Variants in SPPL2B observed in about 807,000 individuals in gnomAD.
SPPL2B encodes signal peptide peptidase like 2B.
A neutral mutation model predicts 59.7 loss-of-function variants in SPPL2B; 39 were observed. The ratio of observed to expected loss-of-function variants is 0.65; its 90% CI spans 0.51 to 0.85. The LOEUF is 0.85. Ranked by LOEUF, SPPL2B falls within the 40% of genes least tolerant of loss-of-function variation. The probability of loss-of-function intolerance (pLI) is 0.00; values close to 1 mark genes in which losing one functional copy is unlikely to be tolerated. For synonymous variants in SPPL2B, 419 were observed against 370.8 expected (o/e 1.13, Z -1.49); for missense variants, 865 against 849.0 (o/e 1.02, Z -0.23).
intron 13 of SPPL2B, among the ~76,000 whole-genome samples, chr19:2,346,524 G>A (rs888702880): frequency 2.0e-5 from 3 of 152,130 alleles, no homozygotes; most frequent in Non-Finnish European, 4.4e-5. Flanking sequence ...AAAATTAGCC[G>A]GGCATGGTGA....
chr19:2,349,060 T>C (rs1215406282), intron 13 of SPPL2B, among the ~76,000 whole-genome samples: 8 of 132,206 alleles, frequency 6.1e-5, no homozygotes, highest in Admixed American at 7.8e-5. Context: ...CTCATTCGCT[T>C]GATTCCGTTC....
rs769004951 is a variant in SPPL2B, at chr19:2,339,980, G to C, written c.742+14G>C. On this transcript the variant is annotated intron_variant, in intron 6 of 14. Coordinates refer to ENST00000613503, the MANE Select transcript of SPPL2B (RefSeq NM_152988.3). ...ACGATCTCCTCGGTGCGCGGCCCCGGGCGGGTGGGCCGCGGCGTGGAGATG... is the reference window on the plus strand; with the variant it reads ...ACGATCTCCTCGGTGCGCGGCCCCGCGCGGGTGGGCCGCGGCGTGGAGATG... The C allele has an allele frequency of 1.9e-6, 3 of 1,552,376 alleles. No individual in the cohort carries two copies. The highest frequency in any genetic ancestry group is 2.6e-6 in the Non-Finnish European group (3 of 1,147,286).
chr19:2,348,110 C>A (rs1034348197), intron 13 of SPPL2B, among the ~76,000 whole-genome samples: 1 of 100,506 alleles, frequency 9.9e-6, no homozygotes, highest in East Asian at 3.4e-4. Flanking sequence ...TCGCTTGATT[C>A]CGTTCTCTCT....
intron 13 of SPPL2B, among the ~76,000 whole-genome samples, chr19:2,348,866 C>T (rs1220772293): frequency 1.3e-3 from 191 of 146,596 alleles, no homozygotes; most frequent in Non-Finnish European, 2.3e-3. Flanking sequence ...CACGCGCTGT[C>T]ATTCGCTTGA....
intron 13 of SPPL2B, among the ~76,000 whole-genome samples, 164 bp from the exon 14 acceptor site, chr19:2,351,270 A>G (rs1403856557): frequency 1.3e-5 from 2 of 151,964 alleles, no homozygotes; most frequent in Admixed American, 1.3e-4. Context: ...GGATCCATGT[A>G]CTTTGGGGAG....
chr19:2,347,406 C>T (rs1170660360), intron 13 of SPPL2B, among the ~76,000 whole-genome samples: 2 of 47,246 alleles, frequency 4.2e-5, no homozygotes, highest in Admixed American at 2.5e-4. Context: ...TCCACACACG[C>T]GCTCTCATTC....
Position 2,340,947 on chromosome 19 carries a change from A to G in SPPL2B, c.889A>G (p.Met297Val), listed in dbSNP as rs764370623. ...PYFHKRPQAR[M>V]LLLALFCVAV... ...CTTCCACAAGCGCCCGCAGGCCCGT[A>G]TGCTGCTCCTGGCGCTCTTCTGCGT... The change falls in exon 8 of 15, where the codon ATG becomes GTG. Residue 297 changes from methionine (M) to valine (V), a missense_variant. Transcript: ENST00000613503. The G allele has an allele frequency of 1.2e-6, 2 of 1,603,874 alleles. No individual in the cohort carries two copies. Among genetic ancestry groups the G allele is most frequent in the Non-Finnish European group, 1.7e-6 (2 of 1,179,530 alleles).
chr19:2,350,746 T>A (rs996354374), intron 13 of SPPL2B, among the ~76,000 whole-genome samples: 1 of 152,246 alleles, frequency 6.6e-6, no homozygotes, highest in Non-Finnish European at 1.5e-5. Flanking sequence ...TATGGTGATT[T>A]ATGGTTTGGC....
chr19:2,352,891 G>A (rs1421297222), intron 14 of SPPL2B, 55 bp from the exon 15 acceptor site: 4 of 1,598,512 alleles, frequency 2.5e-6, no homozygotes, highest in African/African-American at 2.7e-5. Context: ...GCCCCTGCCA[G>A]GGTCCTCCTC....
Position 2,331,492 on chromosome 19 carries a change from C to T in SPPL2B, c.66+2717C>T, listed in dbSNP as rs184126075. On this transcript the variant is annotated intron_variant, in intron 1 of 14. Coordinates refer to ENST00000613503, the MANE Select transcript of SPPL2B (RefSeq NM_152988.3). ...TGTGGCCTTTGGAAGAATTGTTCCC[C>T]GTTCCTTTAACTCAGCAGGTGAGGA... Among the ~76,000 whole-genome samples, 32 of 152,226 alleles carry T rather than the reference C, an allele frequency of 2.1e-4. 1 individual carries two copies. Among genetic ancestry groups the T allele is most frequent in the African/African-American group, 7.5e-4 (31 of 41,536 alleles).
chr19:2,337,314 G>T (rs967532618), intron 2 of SPPL2B, 129 bp from the exon 3 acceptor site: 3 of 876,382 alleles, frequency 3.4e-6, no homozygotes, highest in Non-Finnish European at 3.4e-6. Flanking sequence ...TAGGTGGGCC[G>T]AGGCCGTGCG....
intron 8 of SPPL2B, 155 bp from the exon 9 acceptor site, chr19:2,343,056 A>G (rs1568442456): frequency 4.7e-6 from 3 of 636,032 alleles, no homozygotes; most frequent in Admixed American, 2.4e-5. Flanking sequence ...GTCCTCCCAC[A>G]GGTCTGGGGT....
At chr19:2,335,606 C>G (rs1968548918) in intron 2 of SPPL2B, among the ~76,000 whole-genome samples, 3 of 150,498 alleles carry the variant, frequency 2.0e-5, no homozygotes, top group East Asian at 3.9e-4. Context: ...CCCCTCTGTC[C>G]CTGCCTCCTT....
intron 1 of SPPL2B, 66 bp from the exon 2 acceptor site, chr19:2,334,536 T>C: frequency 6.5e-7 from 1 of 1,540,854 alleles, no homozygotes; most frequent in East Asian, 2.4e-5. Flanking sequence ...CGGGCCTGTT[T>C]CTCGTGGGGC....
At chr19:2,334,559 C>T in intron 1 of SPPL2B, 43 bp from the exon 2 acceptor site, 1 of 1,581,764 alleles carries the variant, frequency 6.3e-7, no homozygotes, top group East Asian at 2.3e-5. Flanking sequence ...TGCAGCCCCG[C>T]ACGTCCCGTG....
intron 2 of SPPL2B, among the ~76,000 whole-genome samples, chr19:2,335,071 A>G (rs1342312473): frequency 6.6e-6 from 1 of 152,038 alleles, no homozygotes. Flanking sequence ...CAGGGACGAG[A>G]CCTGTTCCTT....
chr19:2,351,294 C>T (rs1036579802), intron 13 of SPPL2B, 140 bp from the exon 14 acceptor site: 49 of 675,286 alleles, frequency 7.3e-5, no homozygotes, highest in Non-Finnish European at 1.1e-4. Flanking sequence ...GTGGCCCTGC[C>T]GGCTGAACCC....
chr19:2,345,198 C>T, intron 12 of SPPL2B, 55 bp from the exon 13 acceptor site: 3 of 1,524,324 alleles, frequency 2.0e-6, no homozygotes, highest in Non-Finnish European at 2.7e-6. Context: ...CCCAGGAAGC[C>T]CCTGCTCTGA....
At chr19:2,340,286 G>A (rs778826016) in intron 7 of SPPL2B, 114 bp downstream of exon 7, 30 of 860,768 alleles carry the variant, frequency 3.5e-5, no homozygotes, top group South Asian at 5.3e-5. Context: ...TACAGCAGGC[G>A]CTCCCTCAGT....
Sources: gnomAD v4.1 joint callset for allele counts (sites outside exome capture counted in the v4.1 genomes callset) on GRCh38, gnomAD v4.1.1 for gene constraint, MANE v1.5 for transcripts, NCBI Gene and HGNC (gene_info 2026-07-23, HGNC 2026-07-21) for gene names.